The following FNBP1 variants were observed in gnomAD, a reference collection of about 807,000 sequenced individuals.
FNBP1 encodes formin-binding protein 1.
FNBP1 carries 26 observed loss-of-function variants against 90.6 expected under a neutral mutation model. The observed-to-expected ratio is 0.29, with a 90% CI of 0.21 to 0.40. The LOEUF (loss-of-function observed/expected upper bound fraction) is 0.40, where lower values mean the gene tolerates loss of function less well. FNBP1 is among the 10% of genes least tolerant of loss of function. FNBP1 has a pLI of 1.00. For synonymous variants in FNBP1, 260 were observed against 265.2 expected, an observed-to-expected ratio of 0.98 and a Z score of 0.19; for missense variants, 635 against 768.0, an observed-to-expected ratio of 0.83 and a Z score of 2.05.
At chr9:129,924,137 A>T in intron 9 of FNBP1, 111 bp from the exon 10 acceptor site, 4 of 1,141,552 alleles carry the variant, frequency 3.5e-6, no homozygotes, top group Non-Finnish European at 4.8e-6. Context: ...AAACACAAAC[A>T]ATTAAATTTT....
In FNBP1 at chr9:129,978,601, C is replaced by T. The variant is rs1358503894; in HGVS notation, c.209G>A (p.Cys70Tyr). The T allele has an allele frequency of 1.2e-6, 2 of 1,613,842 alleles. No homozygotes were observed. The highest frequency in any genetic ancestry group is 1.7e-5 in the Admixed American group (1 of 59,982). ...GTTCAGGTTGGAAATGAAAGCTTTA[C>T]ATGACGTATACCTATGGAACAGAAC... ...KEEEEYKYTS[C>Y]KAFISNLNEM... is the part of the protein sequence containing the mutation. Residue 70 changes from cysteine to tyrosine, a missense_variant, in exon 4 of 17, where the codon TGT becomes TAT. Transcript: ENST00000446176.
In FNBP1 at chr9:129,923,912, A is replaced by C; in HGVS notation, c.1102T>G (p.Ser368Ala). The change falls in exon 10 of 17, where the codon TCC becomes GCC. Residue 368 changes from serine to alanine, a missense_variant. By Grantham distance (99) the Ser-to-Ala change is moderately conservative. Transcript: ENST00000446176. ...QSPKQQKEPL[S>A]HRFNEFMTSK... ...GTCATGAACTCGTTGAAGCGATGGG[A>C]GAGGGGTTCCTTTTGCTGCTTGGGA... 1 of 1,551,442 alleles carries C rather than the reference A, an allele frequency of 6.4e-7. No individual in the cohort carries two copies. The highest frequency in any genetic ancestry group is 8.7e-7 in the Non-Finnish European group (1 of 1,148,054).
chr9:129,924,080 CA>C, intron 9 of FNBP1, 54 bp from the exon 10 acceptor site: 1 of 1,465,840 alleles, frequency 6.8e-7, no homozygotes, highest in Non-Finnish European at 9.0e-7. Context: ...CAAGAAGACA[CA>C]AAACAAAAAT....
intron 12 of FNBP1, among the ~76,000 whole-genome samples, chr9:129,906,187 TC>T (rs1483494338): frequency 6.6e-6 from 1 of 152,184 alleles, no homozygotes; most frequent in East Asian, 1.9e-4. Context: ...CTGGCCAATT[TC>T]TTAATATTTG....
At chr9:129,908,667 C>T (rs1035711490) in intron 12 of FNBP1, among the ~76,000 whole-genome samples, 1 of 152,076 alleles carries the variant, frequency 6.6e-6, no homozygotes, top group East Asian at 1.9e-4. Context: ...ATTCTGCTGC[C>T]TCAGCCTCCT....
At chr9:129,999,268 G>A (rs766200623) in intron 1 of FNBP1, among the ~76,000 whole-genome samples, 26 of 152,078 alleles carry the variant, frequency 1.7e-4, no homozygotes, top group Non-Finnish European at 2.4e-4. Context: ...GTCACATCAC[G>A]GTGGTTCTGG....
intron 6 of FNBP1, among the ~76,000 whole-genome samples, chr9:129,942,908 G>T (rs1374124797): frequency 6.6e-6 from 1 of 151,634 alleles, no homozygotes; most frequent in East Asian, 1.9e-4. Flanking sequence ...GCCCAGGCTG[G>T]TCTTGAACTC....
chr9:129,994,808 C>T, intron 2 of FNBP1, 35 bp downstream of exon 2: 1 of 907,508 alleles, frequency 1.1e-6, no homozygotes, highest in Non-Finnish European at 1.8e-6. Context: ...CATCATTTTG[C>T]AGTTAACAAA....
rs188760716 is a variant in FNBP1 at position 130,002,998 on chromosome 9, T to A, written c.25-8040A>T. 1.2e-3 allele frequency among the ~76,000 whole-genome samples: 190 copies of A among 152,346 alleles called. 1 individual carries two copies. The highest frequency in any genetic ancestry group is 6.8e-3 in the Middle Eastern group (2 of 294). On this transcript the variant is annotated intron_variant, in intron 1 of 16. Transcript: ENST00000446176. ...GAGTTGAATGAAGAAAGTGTTATTG[T>A]GTTAATCAATATGCAATTGCTACTT...
intron 1 of FNBP1, among the ~76,000 whole-genome samples, chr9:130,037,376 G>A (rs747923185): frequency 5.3e-5 from 8 of 152,048 alleles, no homozygotes; most frequent in Non-Finnish European, 8.8e-5. Context: ...AGAAAAAAGA[G>A]CAGTAGAAGA....
At chr9:129,895,689 TC>T in intron 16 of FNBP1, 148 bp downstream of exon 16, 1 of 1,304,864 alleles carries the variant, frequency 7.7e-7, no homozygotes, top group Non-Finnish European at 9.7e-7. Flanking sequence ...GACCCTGAAG[TC>T]CACGTGAGAC....
intron 11 of FNBP1, among the ~76,000 whole-genome samples, chr9:129,909,647 A>G (rs10819575): frequency 1 from 151,701 of 151,994 alleles, 75,705 homozygotes; most frequent in Middle Eastern, 1. Flanking sequence ...TCCTTGAGAC[A>G]GAGTCTCACT....
chr9:129,898,903 G>A (rs1564259550), intron 15 of FNBP1, among the ~76,000 whole-genome samples: 1 of 151,936 alleles, frequency 6.6e-6, no homozygotes, highest in Non-Finnish European at 1.5e-5. Context: ...ATAGATACTA[G>A]ATATTAAATG....
chr9:129,968,160 C>T (rs1460065704), intron 4 of FNBP1, among the ~76,000 whole-genome samples: 1 of 151,784 alleles, frequency 6.6e-6, no homozygotes, highest in Non-Finnish European at 1.5e-5. Context: ...TTTGGGAGGC[C>T]GAGGCAGGCA....
At chr9:130,051,905 A>T in the FNBP1 span, among the ~76,000 whole-genome samples, 1 of 152,234 alleles carries the variant, frequency 6.6e-6, no homozygotes, top group Non-Finnish European at 1.5e-5. Flanking sequence ...CAGCCCCTGC[A>T]GGCTTTTTCA....
intron 11 of FNBP1, among the ~76,000 whole-genome samples, chr9:129,910,935 G>A (rs950428197): frequency 6.6e-6 from 1 of 152,086 alleles, no homozygotes; most frequent in Non-Finnish European, 1.5e-5. Flanking sequence ...AACCAAAGAA[G>A]TTTGACTCTA....
intron 10 of FNBP1, among the ~76,000 whole-genome samples, chr9:129,920,111 G>A (rs188062304): frequency 6.6e-6 from 1 of 152,170 alleles, no homozygotes; most frequent in Admixed American, 6.5e-5. Flanking sequence ...ATTGCTTCTA[G>A]TGGGTATATG....
chr9:130,010,014 T>A (rs1326888328), intron 1 of FNBP1, among the ~76,000 whole-genome samples: 1 of 150,080 alleles, frequency 6.7e-6, no homozygotes, highest in Non-Finnish European at 1.5e-5. Context: ...TAAGAGGCAA[T>A]TTTTGTCCAT....
At chr9:129,967,443 A>G (rs1382360187) in intron 4 of FNBP1, among the ~76,000 whole-genome samples, 1 of 151,900 alleles carries the variant, frequency 6.6e-6, no homozygotes, top group Non-Finnish European at 1.5e-5. Context: ...TTGAACCGGG[A>G]GGCGGAACTT....
Sources: allele counts gnomAD v4.1 joint callset (sites outside exome capture counted in the v4.1 genomes callset), GRCh38; gene constraint gnomAD v4.1.1; transcripts MANE v1.5; gene names NCBI Gene and HGNC (gene_info 2026-07-23, HGNC 2026-07-21).